The following NPAS4 variants were observed in gnomAD, a reference collection of about 807,000 sequenced individuals.
The protein encoded by NPAS4 is neuronal PAS domain protein 4.
In NPAS4, 10 loss-of-function variants were observed where a neutral mutation model predicts 64.0. The observed-to-expected ratio is 0.16, with a 90% CI of 0.10 to 0.26. NPAS4 has a LOEUF of 0.26. Among genes scored for constraint, NPAS4 ranks in the 10% least tolerant of loss-of-function variants. The pLI is 1.00. For synonymous variants in NPAS4, 441 were observed against 411.7 expected (o/e 1.07, Z -0.86); for missense variants, 886 against 992.6 (o/e 0.89, Z 1.44).
At chr11:66,421,971 A>C in intron 1 of NPAS4, 149 bp from the exon 2 acceptor site, 1 of 680,948 alleles carries the variant, frequency 1.5e-6, no homozygotes, top group Non-Finnish European at 2.5e-6. Context: ...TCCCTGGCCA[A>C]GAGCTGCGGG....
At chr11:66,414,422 C>A in the NPAS4 span, among the ~76,000 whole-genome samples, 1 of 152,162 alleles carries the variant, frequency 6.6e-6, no homozygotes, top group Admixed American at 6.5e-5. Context: ...ACATTGCCCA[C>A]AAAAGTTTCA....
chr11:66,421,034 G>C (rs942228647), upstream of NPAS4: 39 of 682,020 alleles, frequency 5.7e-5, no homozygotes, highest in South Asian at 6.3e-4. Flanking sequence ...GCAGGCGAGG[G>C]GGGCAGCGCA....
chr11:66,415,635 C>T, the NPAS4 span, among the ~76,000 whole-genome samples: 1 of 152,230 alleles, frequency 6.6e-6, no homozygotes, highest in African/African-American at 2.4e-5. Context: ...AAGGAGGCAG[C>T]AGGCTAGATG....
intron 3 of NPAS4, 28 bp from the exon 4 acceptor site, chr11:66,422,646 T>G: frequency 6.2e-7 from 1 of 1,612,730 alleles, no homozygotes; most frequent in East Asian, 2.2e-5. Context: ...ACTCACCCTC[T>G]TATCTGTTTT....
In NPAS4 at chr11:66,426,314, T is replaced by C; in HGVS notation, c.*325T>C. The C allele has an allele frequency of 3.4e-6, 1 of 291,046 alleles. No individual in the cohort carries two copies. The highest frequency in any genetic ancestry group is 6.6e-6 in the Non-Finnish European group (1 of 150,694). The allele number at this position is 291,046 out of a possible 1,614,324, so 18.0% of individuals were successfully genotyped here. A position where few individuals can be genotyped will look rare whatever the true frequency, so the allele number is the denominator to read the frequency against. On this transcript the variant is annotated 3_prime_UTR_variant, in exon 8 of 8. Coordinates refer to ENST00000311034, the MANE Select transcript of NPAS4 (RefSeq NM_178864.4). The stretch of plus-strand genomic sequence containing the variant: ...TTGCCCCATTGGCCTGGGCCAGTTC[T>C]CCACTCCTAGGGGCCAAGCCACCCC...
At chr11:66,414,717 C>T in the NPAS4 span, among the ~76,000 whole-genome samples, 1 of 152,358 alleles carries the variant, frequency 6.6e-6, no homozygotes, top group Admixed American at 6.5e-5. Context: ...AACACGGTCA[C>T]TGCACAAGCC....
Position 66,421,341 on chromosome 11 carries a change from C to G in NPAS4, c.162C>G (p.Val54=). 2 of 1,614,022 alleles carry G rather than the reference C, an allele frequency of 1.2e-6. No individual in the cohort carries two copies. The highest frequency in any genetic ancestry group is 2.2e-5 in the South Asian group (2 of 91,086). ...SLACIYTRKG[V]FFAGGTPLAG... ...CCTGCATCTACACTCGCAAGGGCGT[C>G]TTCTTCGCTGGTGGTGAGCATGCTG... The change falls in exon 1 of 8, where the codon GTC becomes GTG. Residue 54 remains valine, a synonymous_variant. Transcript: ENST00000311034.
the NPAS4 span, among the ~76,000 whole-genome samples, chr11:66,413,600 A>G: frequency 6.6e-6 from 1 of 152,106 alleles, no homozygotes; most frequent in Admixed American, 6.5e-5. Context: ...TGTTAACACA[A>G]CCTCAGCTAC....
At chr11:66,423,341 C>T in intron 5 of NPAS4, 109 bp downstream of exon 5, 1 of 874,556 alleles carries the variant, frequency 1.1e-6, no homozygotes, top group Non-Finnish European at 1.9e-6. Flanking sequence ...ATAACAGAGG[C>T]CAACAGTTTC....
the NPAS4 span, among the ~76,000 whole-genome samples, chr11:66,414,054 T>G: frequency 6.6e-6 from 1 of 152,150 alleles, no homozygotes; most frequent in African/African-American, 2.4e-5. Flanking sequence ...AGACCAGTTG[T>G]AGATGCTGGT....
rs1272703951 is a variant in NPAS4 at position 66,424,781 on chromosome 11, G to A, written c.1891G>A (p.Glu631Lys). Residue 631 changes from glutamate to lysine, a missense_variant, in exon 7 of 8, where the codon GAG (glutamate) becomes AAG (lysine). By Grantham distance (56) the Glu-to-Lys change is moderately conservative. Around this residue, in one of 3 missense-constraint regions of NPAS4, gnomAD observed 820 missense variants for 855.5 expected, o/e 0.96. Transcript: ENST00000311034. ...FFHYSEKEQN[E>K]IDRLIQQISQ... is the part of the protein sequence containing the mutation. Reference sequence around the variant, plus strand: ...CCACTACTCTGAAAAGGAGCAGAATGAGATAGACCGTCTCATCCAGCAGAT... The same window carrying A: ...CCACTACTCTGAAAAGGAGCAGAATAAGATAGACCGTCTCATCCAGCAGAT... 3 of 1,614,076 alleles carry A rather than the reference G, an allele frequency of 1.9e-6. No individual in the cohort carries two copies. Among genetic ancestry groups the A allele is most frequent in the Non-Finnish European group, 2.5e-6 (3 of 1,180,020 alleles).
chr11:66,422,575 C>G (rs1425998961), intron 3 of NPAS4, 22 bp downstream of exon 3: 2 of 1,606,948 alleles, frequency 1.2e-6, no homozygotes, highest in Admixed American at 1.7e-5. Flanking sequence ...CTTCTCCCTT[C>G]CTCGGTCCAA....
chr11:66,425,075 G>A lies in NPAS4; in HGVS notation c.2185G>A (p.Gly729Arg), dbSNP rs777715268. 2 of 1,605,342 alleles carry A rather than the reference G, an allele frequency of 1.2e-6. No individual in the cohort carries two copies. The highest frequency in any genetic ancestry group is 3.4e-5 in the Admixed American group (2 of 58,096). ...TPDPSEEWGS[G>R]DPEAEGPGGA... The stretch of plus-strand genomic sequence containing the variant: ...AGATCCCAGTGAGGAATGGGGCTCA[G>A]GGGATCCTGAGGCAGAGGGCCCAGG... Residue 729 changes from glycine (G) to arginine (R), a missense_variant, in exon 7 of 8, where the codon GGG (glycine) becomes AGG (arginine). Gly to Arg is a moderately radical substitution (Grantham distance 125). Around this residue, in one of 3 missense-constraint regions of NPAS4, gnomAD observed 820 missense variants for 855.5 expected, o/e 0.96. Coordinates refer to ENST00000311034, the MANE Select transcript of NPAS4 (RefSeq NM_178864.4).
At position 66,426,511 on chromosome 11, in the gene NPAS4, G is replaced by C. The variant is rs1856840191; in HGVS notation, c.*522G>C. 1 of 155,866 alleles carries C rather than the reference G, an allele frequency of 6.4e-6. No individual in the cohort carries two copies. The highest frequency in any genetic ancestry group is 1.4e-5 in the Non-Finnish European group (1 of 69,950). The allele number at this position is 155,866 out of a possible 1,614,324, so 9.7% of individuals were successfully genotyped here. A position where few individuals can be genotyped will look rare whatever the true frequency, so the allele number is the denominator to read the frequency against. On this transcript the variant is annotated 3_prime_UTR_variant, in exon 8 of 8. Transcript: ENST00000311034. The stretch of plus-strand genomic sequence containing the variant: ...TTGCGCCCCGCGCCTGGGGTGGGGG[G>C]TGCGAAGAGACGCTACGTTCCTTTC...
chr11:66,423,335 C>G (rs61890361), intron 5 of NPAS4, 103 bp downstream of exon 5: 1 of 876,648 alleles, frequency 1.1e-6, no homozygotes, highest in Non-Finnish European at 1.9e-6. Context: ...GGGGAGATAA[C>G]AGAGGCCAAC....
At position 66,424,905 on chromosome 11, in the gene NPAS4, T is replaced by C; in HGVS notation, c.2015T>C (p.Leu672Pro). ...LGGLEPLDSN[L>P]SLSGAGPPVL... ...GGACTGGAGCCCCTGGACTCCAACC[T>C]GTCCCTGTCAGGGGCAGGCCCCCCT... Residue 672 changes from leucine to proline, a missense_variant, in exon 7 of 8, where the codon CTG becomes CCG. This residue lies in a region of NPAS4 where 820 missense variants were observed against 855.5 expected (regional missense o/e 0.96). Transcript: ENST00000311034. 1.9e-6 allele frequency: 3 copies of C among 1,613,810 alleles called. No homozygotes were observed.
upstream of NPAS4, among the ~76,000 whole-genome samples, chr11:66,416,257 G>C (rs1856667894): frequency 6.6e-6 from 1 of 152,180 alleles, no homozygotes; most frequent in Non-Finnish European, 1.5e-5. Context: ...TGCCTGCTGA[G>C]GGTAGCAGCA....
At chr11:66,422,095 C>T (rs748993276) in intron 1 of NPAS4, 25 bp from the exon 2 acceptor site, 3 of 1,608,716 alleles carry the variant, frequency 1.9e-6, no homozygotes, top group Non-Finnish European at 2.5e-6. Context: ...TTACTCCTGA[C>T]GCACTACGTC....
chr11:66,425,353 C>T (rs1856823557), intron 7 of NPAS4, 83 bp downstream of exon 7: 2 of 704,688 alleles, frequency 2.8e-6, no homozygotes, highest in South Asian at 4.8e-5. Flanking sequence ...TCAATTCCCC[C>T]TCTCTGTACA....
Sources: gnomAD v4.1 joint callset for allele counts (sites outside exome capture counted in the v4.1 genomes callset) on GRCh38, gnomAD v4.1.1 for gene constraint, gnomAD v4.1.1 regional missense constraint, MANE v1.5 for transcripts, NCBI Gene and HGNC (gene_info 2026-07-23, HGNC 2026-07-21) for gene names.